NEDD4L: variants seen among roughly 807,000 people sequenced by gnomAD.
The protein encoded by NEDD4L is NEDD4 like E3 ubiquitin protein ligase.
NEDD4L carries 54 observed loss-of-function variants against 148.9 expected under a neutral mutation model. That is an observed-to-expected ratio of 0.36 (90% CI 0.29 to 0.45). The LOEUF (loss-of-function observed/expected upper bound fraction) is 0.45, where lower values mean the gene tolerates loss of function less well. Ranked by LOEUF, NEDD4L falls within the 20% of genes least tolerant of loss-of-function variation. NEDD4L has a pLI of 1.00. For synonymous variants in NEDD4L, 433 were observed against 440.7 expected (o/e 0.98, Z 0.22); for missense variants, 856 against 1,233.8 (o/e 0.69, Z 4.59).
intron 16 of NEDD4L, among the ~76,000 whole-genome samples, chr18:58,345,050 G>A (rs1283207752): frequency 6.6e-6 from 1 of 152,208 alleles, no homozygotes; most frequent in Non-Finnish European, 1.5e-5. Context: ...TTGCAACATT[G>A]CTGAATGAAA....
At chr18:58,391,722 A>G (rs565652890) in intron 30 of NEDD4L, among the ~76,000 whole-genome samples, 163 bp downstream of exon 30, 1 of 152,362 alleles carries the variant, frequency 6.6e-6, no homozygotes, top group South Asian at 2.1e-4. Flanking sequence ...CAGTAGTGCT[A>G]ATAAGACATA....
chr18:58,240,099 G>A (rs1421688434), intron 2 of NEDD4L, among the ~76,000 whole-genome samples: 2 of 152,092 alleles, frequency 1.3e-5, no homozygotes, highest in African/African-American at 4.8e-5. Flanking sequence ...TTAGTTCAGG[G>A]AGTCTGTTTC....
chr18:58,084,721 G>T (rs1253356746), intron 1 of NEDD4L, among the ~76,000 whole-genome samples: 1 of 139,408 alleles, frequency 7.2e-6, no homozygotes, highest in Non-Finnish European at 1.6e-5. Flanking sequence ...TTGAGACAGG[G>T]TCTTCCTCTG....
chr18:58,263,651 C>T (rs1356452784), intron 5 of NEDD4L, among the ~76,000 whole-genome samples: 2 of 135,490 alleles, frequency 1.5e-5, no homozygotes, highest in Middle Eastern at 3.7e-3. Context: ...ATAAATCCTA[C>T]TTCTTAGGCT....
chr18:58,200,538 A>G (rs987122205), intron 2 of NEDD4L, among the ~76,000 whole-genome samples: 3 of 152,266 alleles, frequency 2.0e-5, no homozygotes, highest in Admixed American at 6.5e-5. Context: ...ACGGTAAGTC[A>G]TGAAATACAC....
intron 2 of NEDD4L, among the ~76,000 whole-genome samples, chr18:58,211,698 C>T (rs769587812): frequency 4.6e-5 from 7 of 152,058 alleles, no homozygotes; most frequent in East Asian, 3.8e-4. Context: ...AAAAGAAAAC[C>T]GGTGAGGGCA....
At chr18:58,062,389 G>A (rs1402875138) in intron 1 of NEDD4L, among the ~76,000 whole-genome samples, 1 of 152,090 alleles carries the variant, frequency 6.6e-6, no homozygotes, top group Non-Finnish European at 1.5e-5. Flanking sequence ...GCTTAGAGGG[G>A]CATTTCGGGG....
chr18:58,313,577 G>GT (rs994713223), intron 5 of NEDD4L, among the ~76,000 whole-genome samples: 6 of 152,238 alleles, frequency 3.9e-5, no homozygotes, highest in Admixed American at 3.9e-4. Context: ...CACAGTGTCA[G>GT]TTAAGGGCAC....
At position 58,182,250 on chromosome 18, in the gene NEDD4L, G is replaced by C. The variant is rs60913600; in HGVS notation, c.122+16389G>C. ...ACACCCACAGAGGAAAATGCGGGGC[G>C]GGGGGTGAATGCATCTGCTCATTTT... On this transcript the variant is annotated intron_variant, in intron 2 of 30. Coordinates refer to ENST00000400345, the MANE Select transcript of NEDD4L (RefSeq NM_001144967.3). Among the ~76,000 whole-genome samples, 823 of 152,160 alleles carry C rather than the reference G, an allele frequency of 5.4e-3. 9 individuals are homozygous for C. Among genetic ancestry groups the C allele is most frequent in the African/African-American group, 0.018 (737 of 41,522 alleles).
rs2050377884 is a variant in NEDD4L, at chr18:58,395,513, T to TA, written c.2826-653dup. On this transcript the variant is annotated intron_variant, in intron 30 of 30. Transcript: ENST00000400345. ...CCCGCCCCCACCTGAAGCCTCCAGA[T>TA]ATGTAGGGACTTTTTCTAAATGCAA... is the stretch of plus-strand genomic sequence containing the variant. Among the ~76,000 whole-genome samples the TA allele has an allele frequency of 1.3e-5, 2 of 150,474 alleles. 1 individual carries two copies. Among genetic ancestry groups the TA allele is most frequent in the South Asian group, 4.2e-4 (2 of 4,766 alleles).
In NEDD4L at chr18:58,193,521, G is replaced by T. The variant is rs190439286; in HGVS notation, c.122+27660G>T. Among the ~76,000 whole-genome samples the T allele has an allele frequency of 1.5e-3, 227 of 152,204 alleles. 2 individuals are homozygous for T. The highest frequency in any genetic ancestry group is 6.2e-4 in the South Asian group (3 of 4,824). ...CCCTGATCTTTTTTAGAAATTACTG[G>T]TATCGTTTTAGAGAGTATCCAACTT... On this transcript the variant is annotated intron_variant, in intron 2 of 30. Transcript: ENST00000400345.
chr18:58,110,533 C>T (rs2085355174), intron 1 of NEDD4L, among the ~76,000 whole-genome samples: 1 of 152,250 alleles, frequency 6.6e-6, no homozygotes, highest in Non-Finnish European at 1.5e-5. Context: ...ACTCTCTGGC[C>T]CTCATTATCT....
chr18:58,316,356 C>A (rs1739680384), intron 6 of NEDD4L, among the ~76,000 whole-genome samples: 2 of 152,230 alleles, frequency 1.3e-5, no homozygotes. Flanking sequence ...GGCCTCCCTT[C>A]TTGTCACTTA....
At chr18:58,363,952 G>T (rs1329638167) in intron 19 of NEDD4L, among the ~76,000 whole-genome samples, 1 of 152,172 alleles carries the variant, frequency 6.6e-6, no homozygotes, top group Non-Finnish European at 1.5e-5. Flanking sequence ...AAGAAAAACA[G>T]AAACACCCTG....
intron 4 of NEDD4L, among the ~76,000 whole-genome samples, chr18:58,250,172 A>G (rs555606884): frequency 1.6e-4 from 24 of 149,826 alleles, no homozygotes; most frequent in African/African-American, 5.9e-4. Flanking sequence ...GTTTTTTGAG[A>G]TGGAGTCTCA....
At chr18:58,275,378 A>T (rs1431097879) in intron 5 of NEDD4L, among the ~76,000 whole-genome samples, 2 of 152,206 alleles carry the variant, frequency 1.3e-5, no homozygotes, top group African/African-American at 4.8e-5. Context: ...AAGTGAGCTC[A>T]TGCAGCTCAA....
chr18:58,112,094 A>G (rs1420239802), intron 1 of NEDD4L, among the ~76,000 whole-genome samples: 1 of 152,164 alleles, frequency 6.6e-6, no homozygotes, highest in Non-Finnish European at 1.5e-5. Flanking sequence ...ACTTGTGTAG[A>G]TTTATCCATG....
At chr18:58,350,199 T>C (rs141859678) in intron 17 of NEDD4L, among the ~76,000 whole-genome samples, 1 of 152,288 alleles carries the variant, frequency 6.6e-6, no homozygotes, top group East Asian at 1.9e-4. Context: ...AGGGCAGTGG[T>C]TGGACTCCAA....
At chr18:58,058,065 T>C (rs1270030155) in intron 1 of NEDD4L, among the ~76,000 whole-genome samples, 2 of 152,152 alleles carry the variant, frequency 1.3e-5, no homozygotes, top group African/African-American at 4.8e-5. Flanking sequence ...CCCAGCACTT[T>C]GGGAGGCTGA....
Sources: allele counts gnomAD v4.1 joint callset (sites outside exome capture counted in the v4.1 genomes callset), GRCh38; gene constraint gnomAD v4.1.1; transcripts MANE v1.5; gene names NCBI Gene and HGNC (gene_info 2026-07-23, HGNC 2026-07-21).